Variants in KCNQ1 observed in about 807,000 individuals in gnomAD.
KCNQ1 encodes potassium voltage-gated channel subfamily KQT member 1.
In KCNQ1, 49 loss-of-function variants were observed where a neutral mutation model predicts 72.4. That is an observed-to-expected ratio of 0.68 (90% confidence interval 0.54 to 0.86). The LOEUF is 0.86. Ranked by LOEUF, KCNQ1 falls within the 40% of genes least tolerant of loss-of-function variation. The pLI is 0.00. For synonymous variants in KCNQ1, 450 were observed against 412.6 expected (o/e 1.09, Z -1.10); for missense variants, 790 against 945.1 (o/e 0.84, Z 2.15).
In KCNQ1 at chr11:2,583,466, A is replaced by C. The variant is rs794728516; in HGVS notation, c.953A>C (p.Lys318Thr). 1 of 1,613,802 alleles carries C rather than the reference A, an allele frequency of 6.2e-7. No individual in the cohort carries two copies. Among genetic ancestry groups the C allele is most frequent in the Non-Finnish European group, 8.5e-7 (1 of 1,179,792 alleles). Residue 318 changes from lysine (K) to threonine (T), a missense_variant, in exon 7 of 16, where the codon AAG (lysine) becomes ACG (threonine). Physicochemically the swap from Lys to Thr is moderately conservative, Grantham distance 78. This residue lies in a region of KCNQ1 where 133 missense variants were observed against 219.5 expected (regional missense o/e 0.61). Transcript: ENST00000155840. ...VTVTTIGYGD[K>T]VPQTWVGKTI... ...GTCACCACCATCGGCTATGGGGACA[A>C]GGTGCCCCAGACGTGGGTCGGGAAG...
At chr11:2,751,031 G>A (rs577757431) in intron 11 of KCNQ1, among the ~76,000 whole-genome samples, 267 of 152,236 alleles carry the variant, frequency 1.8e-3, no homozygotes, top group African/African-American at 5.6e-3. Context: ...CCTTCCTGGT[G>A]GCTCTGTGCA....
At chr11:2,614,310 T>C (rs1033664477) in intron 10 of KCNQ1, 1 of 398,476 alleles carries the variant, frequency 2.5e-6, no homozygotes, top group Non-Finnish European at 4.4e-6. Flanking sequence ...CTTTTTCTGG[T>C]GATAATTCTG....
intron 10 of KCNQ1, chr11:2,640,316 G>A (rs1849553545): frequency 5.0e-6 from 2 of 398,212 alleles, no homozygotes; most frequent in Admixed American, 4.4e-5. Context: ...GGGAGCTATA[G>A]ACTGGAGCTC....
At chr11:2,656,135 C>T in intron 10 of KCNQ1, 1 of 398,652 alleles carries the variant, frequency 2.5e-6, no homozygotes, top group Non-Finnish European at 4.4e-6. Flanking sequence ...CTCCATCGTT[C>T]CTTCTACATA....
At chr11:2,643,556 C>T (rs1473364577) in intron 10 of KCNQ1, 14 of 398,334 alleles carry the variant, frequency 3.5e-5, no homozygotes, top group African/African-American at 4.1e-5. Flanking sequence ...AGGTGAGATG[C>T]GTTTCTTGTA....
intron 11 of KCNQ1, among the ~76,000 whole-genome samples, chr11:2,738,660 G>A (rs1014626232): frequency 1.1e-4 from 17 of 152,336 alleles, no homozygotes; most frequent in African/African-American, 2.2e-4. Context: ...GGGCCTGTGC[G>A]GTTCCTGGGT....
chr11:2,544,408 G>GTATA lies in KCNQ1; in HGVS notation c.477+16400_477+16403dup, dbSNP rs540199116. 6.2e-5 allele frequency among the ~76,000 whole-genome samples: 9 copies of GTATA among 144,396 alleles called. No homozygotes were observed. Among genetic ancestry groups the GTATA allele is most frequent in the Non-Finnish European group, 1.0e-4 (7 of 67,074 alleles). The allele number at this position is 144,396 out of a possible 152,430, so 94.7% of individuals were successfully genotyped here. ...TGCATATATGTGTATATATGTGTGTGTATATATATATATGGTTACATACCT... is the reference window on the plus strand; with the variant it reads ...TGCATATATGTGTATATATGTGTGTGTATATATATATATATATGGTTACATACCT... On this transcript the variant is annotated intron_variant, in intron 2 of 15. Coordinates refer to ENST00000155840, the MANE Select transcript of KCNQ1 (RefSeq NM_000218.3). The surrounding 1 kb of genome is among the most constrained non-coding windows in gnomAD (Gnocchi z 4.4).
chr11:2,801,299 C>T (rs1048832520), intron 15 of KCNQ1, among the ~76,000 whole-genome samples: 5 of 152,198 alleles, frequency 3.3e-5, no homozygotes, highest in African/African-American at 9.7e-5. Flanking sequence ...CCTGTAGGGG[C>T]GGGCACTCAC....
chr11:2,449,487 C>T (rs544398069), intron 1 of KCNQ1, among the ~76,000 whole-genome samples: 23 of 152,284 alleles, frequency 1.5e-4, no homozygotes, highest in East Asian at 1.2e-3. Context: ...CCGGCCAGTG[C>T]GGGGTCAGGT....
Position 2,566,699 on chromosome 11 carries a change from C to A in KCNQ1, c.478-3929C>A, listed in dbSNP as rs1848252926. Among the ~76,000 whole-genome samples the A allele has an allele frequency of 6.6e-6, 1 of 152,142 alleles. No individual in the cohort carries two copies. On this transcript the variant is annotated intron_variant, in intron 2 of 15. Coordinates refer to ENST00000155840, the MANE Select transcript of KCNQ1 (RefSeq NM_000218.3). This position sits in a 1 kb window ranked among gnomAD's most constrained non-coding sequence, Gnocchi z 6.7. ...CCAAGGACGGCTCTTCTTCTCGTAT[C>A]TACGGGGCAGAGCTCAGGGCCGCAC... is the stretch of plus-strand genomic sequence containing the variant.
chr11:2,618,033 G>A, intron 10 of KCNQ1: 2 of 398,422 alleles, frequency 5.0e-6, no homozygotes. Context: ...AAGTTTTTTA[G>A]TTTGATGGTA....
chr11:2,819,466 T>A (rs1457859915), intron 15 of KCNQ1, among the ~76,000 whole-genome samples: 1 of 152,226 alleles, frequency 6.6e-6, no homozygotes, highest in Non-Finnish European at 1.5e-5. Context: ...AAACACCAGG[T>A]GCCGAGAGCC....
At chr11:2,570,498 C>A in intron 2 of KCNQ1, 130 bp from the exon 3 acceptor site, 1 of 1,246,284 alleles carries the variant, frequency 8.0e-7, no homozygotes. Flanking sequence ...CAGGCCAGGA[C>A]CCGGGCCTGC....
chr11:2,583,897 C>T (rs568541465), intron 7 of KCNQ1, among the ~76,000 whole-genome samples: 2 of 150,278 alleles, frequency 1.3e-5, no homozygotes, highest in South Asian at 2.1e-4. Context: ...GGCACTTCCA[C>T]GCTGTGGCTG....
chr11:2,682,941 G>A lies in KCNQ1; in HGVS notation c.1514+20860G>A. Reference sequence around the variant, plus strand: ...GAGAGGTGCTCAGGTCTGTGTGGAAGAAAGGACAGGAGTCCTTCTGCCACC... The same window carrying A: ...GAGAGGTGCTCAGGTCTGTGTGGAAAAAAGGACAGGAGTCCTTCTGCCACC... On this transcript the variant is annotated intron_variant, in intron 11 of 15. Transcript: ENST00000155840. This position sits in a 1 kb window ranked among gnomAD's most constrained non-coding sequence, Gnocchi z 5.8. 2 of 398,606 alleles carry A rather than the reference G, an allele frequency of 5.0e-6. No individual in the cohort carries two copies. The highest frequency in any genetic ancestry group is 8.8e-6 in the Non-Finnish European group (2 of 226,070). 24.7% of individuals were successfully genotyped at this position (398,606 alleles called of 1,614,324 possible). A position where few individuals can be genotyped will look rare whatever the true frequency, so the allele number is the denominator to read the frequency against.
chr11:2,718,524 G>C (rs1851139061), intron 11 of KCNQ1, among the ~76,000 whole-genome samples: 1 of 152,220 alleles, frequency 6.6e-6, no homozygotes. Flanking sequence ...TGGATGCAAG[G>C]CTGACTCGTA....
chr11:2,562,465 C>T lies in KCNQ1; in HGVS notation c.478-8163C>T, dbSNP rs1354621200. Among the ~76,000 whole-genome samples, 1 of 152,188 alleles carries T rather than the reference C, an allele frequency of 6.6e-6. No individual in the cohort carries two copies. The highest frequency in any genetic ancestry group is 2.4e-5 in the African/African-American group (1 of 41,456). Reference sequence around the variant, plus strand: ...GCCGGTGTGGAGTTGGAACAGCTGGCCCCAAAGCCCGCCAGCCGGGCTCTA... The same window carrying T: ...GCCGGTGTGGAGTTGGAACAGCTGGTCCCAAAGCCCGCCAGCCGGGCTCTA... On this transcript the variant is annotated intron_variant, in intron 2 of 15. Transcript: ENST00000155840. The surrounding 1 kb of genome is among the most constrained non-coding windows in gnomAD (Gnocchi z 7.5).
Position 2,676,858 on chromosome 11 carries a change from C to T in KCNQ1, c.1514+14777C>T. ...TTGTAATGACACCTGTCAGCTTTGA[C>T]TGGGGAGCCCTTTCATTTCTTAGTA... On this transcript the variant is annotated intron_variant, in intron 11 of 15. Coordinates refer to ENST00000155840, the MANE Select transcript of KCNQ1 (RefSeq NM_000218.3). This position sits in a 1 kb window ranked among gnomAD's most constrained non-coding sequence, Gnocchi z 4.2. 1 of 398,632 alleles carries T rather than the reference C, an allele frequency of 2.5e-6. No homozygotes were observed. Among genetic ancestry groups the T allele is most frequent in the Non-Finnish European group, 4.4e-6 (1 of 226,076 alleles). 24.7% of individuals were successfully genotyped at this position (398,632 alleles called of 1,614,324 possible). A position where few individuals can be genotyped will look rare whatever the true frequency, so the allele number is the denominator to read the frequency against.
chr11:2,594,041 A>T, intron 10 of KCNQ1, among the ~76,000 whole-genome samples: 1 of 152,200 alleles, frequency 6.6e-6, no homozygotes, highest in East Asian at 1.9e-4. Context: ...TGCTGCATAC[A>T]TTGAGATATT....
Sources: gnomAD v4.1 joint callset for allele counts (sites outside exome capture counted in the v4.1 genomes callset) on GRCh38, gnomAD v4.1.1 for gene constraint, gnomAD v4.1.1 regional missense constraint, Gnocchi (gnomAD v3.1) non-coding constraint, MANE v1.5 for transcripts, NCBI Gene and HGNC (gene_info 2026-07-23, HGNC 2026-07-21) for gene names.